Variants in GABRB2 observed in about 807,000 individuals in gnomAD.
GABRB2 encodes the protein gamma-aminobutyric acid type A receptor subunit beta2.
GABRB2 carries 16 observed loss-of-function variants against 54.7 expected under a neutral mutation model. That is an observed-to-expected ratio of 0.29 (90% CI 0.20 to 0.44). The LOEUF is 0.44. GABRB2 is among the 20% of genes least tolerant of loss of function. The pLI is 1.00. For missense variants in GABRB2, 355 were observed against 644.0 expected, an observed-to-expected ratio of 0.55 and a Z score of 4.86; for synonymous variants, 244 against 233.8, an observed-to-expected ratio of 1.04 and a Z score of -0.40.
At chr5:161,490,479 A>T (rs1354613466) in intron 3 of GABRB2, among the ~76,000 whole-genome samples, 2 of 151,602 alleles carry the variant, frequency 1.3e-5, no homozygotes, top group African/African-American at 2.4e-5. Context: ...AGGATGAAAA[A>T]CTCTGCCAGA....
chr5:161,432,060 A>G (rs1314220855), intron 4 of GABRB2, among the ~76,000 whole-genome samples: 1 of 152,220 alleles, frequency 6.6e-6, no homozygotes, highest in African/African-American at 2.4e-5. Context: ...GCATTTAATC[A>G]ACAACTTACT....
chr5:161,385,660 C>T (rs531266355), intron 5 of GABRB2, among the ~76,000 whole-genome samples: 1 of 151,994 alleles, frequency 6.6e-6, no homozygotes, highest in Non-Finnish European at 1.5e-5. Context: ...TGTGCCATGC[C>T]CTGCGTTAAC....
intron 4 of GABRB2, among the ~76,000 whole-genome samples, chr5:161,416,707 A>AAAAAAAAAAAAAAAAAAAAAAAAAC (rs1756684332): frequency 7.1e-6 from 1 of 140,626 alleles, no homozygotes. Context: ...AAAAAAAAAA[A>AAAAAAAAAAAAAAAAAAAAAAAAAC]AAAAAAAAAA....
chr5:161,468,553 A>G (rs1758343922), intron 3 of GABRB2, among the ~76,000 whole-genome samples: 1 of 151,972 alleles, frequency 6.6e-6, no homozygotes, highest in Non-Finnish European at 1.5e-5. Context: ...TCTCTGTCAC[A>G]TCCCTCATTT....
At chr5:161,403,236 A>G (rs1367137382) in intron 5 of GABRB2, among the ~76,000 whole-genome samples, 2 of 152,096 alleles carry the variant, frequency 1.3e-5, no homozygotes, top group South Asian at 2.1e-4. Context: ...CTATAAATAG[A>G]GGGGAAAAAA....
intron 5 of GABRB2, among the ~76,000 whole-genome samples, chr5:161,387,472 G>A (rs1377434182): frequency 1.3e-5 from 2 of 152,126 alleles, no homozygotes; most frequent in Non-Finnish European, 1.5e-5. Context: ...AGGTTTATGT[G>A]TGATATTTTA....
At chr5:161,530,417 C>A (rs1760418307) in intron 3 of GABRB2, among the ~76,000 whole-genome samples, 1 of 152,084 alleles carries the variant, frequency 6.6e-6, no homozygotes, top group African/African-American at 2.4e-5. Flanking sequence ...GGTTTTCAAG[C>A]TGGCCCATTA....
chr5:161,478,054 T>A (rs987136268), intron 3 of GABRB2, among the ~76,000 whole-genome samples: 2 of 151,996 alleles, frequency 1.3e-5, no homozygotes, highest in Non-Finnish European at 2.9e-5. Context: ...TTTAGCAAAC[T>A]TTTCTATGTT....
intron 4 of GABRB2, among the ~76,000 whole-genome samples, chr5:161,439,589 C>A (rs1006660383): frequency 6.6e-6 from 1 of 152,086 alleles, no homozygotes; most frequent in African/African-American, 2.4e-5. Context: ...GTAATAACTA[C>A]AACAACTTTT....
chr5:161,429,806 A>G (rs768858407), intron 4 of GABRB2, among the ~76,000 whole-genome samples: 3 of 152,160 alleles, frequency 2.0e-5, no homozygotes, highest in Non-Finnish European at 2.9e-5. Flanking sequence ...CCTCTGTAGT[A>G]TGAGGAGTAG....
At chr5:161,332,502 G>A (rs1295442443) in intron 7 of GABRB2, among the ~76,000 whole-genome samples, 1 of 152,120 alleles carries the variant, frequency 6.6e-6, no homozygotes, top group Non-Finnish European at 1.5e-5. Context: ...TCTTGACAGT[G>A]GGAAGTAGTT....
At chr5:161,432,818 G>A (rs1757206039) in intron 4 of GABRB2, among the ~76,000 whole-genome samples, 2 of 151,994 alleles carry the variant, frequency 1.3e-5, no homozygotes, top group South Asian at 4.2e-4. Context: ...ACCGCTGACT[G>A]CCATAAACTT....
chr5:161,429,288 G>A (rs1321923340), intron 4 of GABRB2, among the ~76,000 whole-genome samples: 2 of 128,380 alleles, frequency 1.6e-5, no homozygotes, highest in Non-Finnish European at 3.1e-5. Context: ...AGAAGTTGCA[G>A]TGAGCTGAGA....
At chr5:161,468,595 T>C (rs1758345497) in intron 3 of GABRB2, among the ~76,000 whole-genome samples, 1 of 152,020 alleles carries the variant, frequency 6.6e-6, no homozygotes, top group African/African-American at 2.4e-5. Context: ...CTATATTTTT[T>C]CAGTTAATAA....
intron 9 of GABRB2, among the ~76,000 whole-genome samples, chr5:161,309,376 T>C (rs1757792131): frequency 6.6e-6 from 1 of 152,100 alleles, no homozygotes; most frequent in Non-Finnish European, 1.5e-5. Context: ...GATGAAGTTG[T>C]GGAGAAAAAG....
chr5:161,425,362 T>C (rs1756968937), intron 4 of GABRB2, among the ~76,000 whole-genome samples: 1 of 152,034 alleles, frequency 6.6e-6, no homozygotes, highest in Non-Finnish European at 1.5e-5. Context: ...TAATAAATTG[T>C]TCCAGACACC....
At chr5:161,479,748 A>G (rs1428168162) in intron 3 of GABRB2, among the ~76,000 whole-genome samples, 1 of 151,676 alleles carries the variant, frequency 6.6e-6, no homozygotes, top group Non-Finnish European at 1.5e-5. Flanking sequence ...TGCCACCACA[A>G]CTGGCTAATT....
chr5:161,371,956 C>G (rs1189855368), intron 5 of GABRB2, among the ~76,000 whole-genome samples: 1 of 152,008 alleles, frequency 6.6e-6, no homozygotes, highest in Admixed American at 6.6e-5. Flanking sequence ...TCTTGAACTC[C>G]TGGGCTCAAG....
At chr5:161,377,059 G>C (rs1439789906) in intron 5 of GABRB2, among the ~76,000 whole-genome samples, 1 of 152,048 alleles carries the variant, frequency 6.6e-6, no homozygotes, top group Non-Finnish European at 1.5e-5. Context: ...TCTAAATTAA[G>C]AAAAACTATT....
Sources: gnomAD v4.1 joint callset for allele counts (sites outside exome capture counted in the v4.1 genomes callset) on GRCh38, gnomAD v4.1.1 for gene constraint, MANE v1.5 for transcripts, NCBI Gene and HGNC (gene_info 2026-07-23, HGNC 2026-07-21) for gene names.